The following NPEPPS variants were observed in gnomAD, a reference collection of about 807,000 sequenced individuals.
NPEPPS encodes the protein puromycin-sensitive aminopeptidase.
NPEPPS carries 14 observed loss-of-function variants against 115.5 expected under a neutral mutation model. The observed-to-expected ratio is 0.12, with a 90% confidence interval of 0.08 to 0.19. The LOEUF (loss-of-function observed/expected upper bound fraction) is 0.19, where lower values mean the gene tolerates loss of function less well. Ranked by LOEUF, NPEPPS falls within the 10% of genes least tolerant of loss-of-function variation. NPEPPS has a pLI of 1.00. For missense variants in NPEPPS, 523 were observed against 1,110.8 expected, an observed-to-expected ratio of 0.47 and a Z score of 7.52; for synonymous variants, 285 against 390.6, an observed-to-expected ratio of 0.73 and a Z score of 3.19.
intron 2 of NPEPPS, among the ~76,000 whole-genome samples, chr17:47,563,631 C>A (rs1015135567): frequency 6.6e-6 from 1 of 151,462 alleles, no homozygotes; most frequent in Non-Finnish European, 1.5e-5. Context: ...AGTGCAGTGG[C>A]ACGATCTCGG....
Position 47,603,942 on chromosome 17 carries a change from C to T in NPEPPS, c.1768C>T (p.Arg590Trp). Residue 590 changes from arginine to tryptophan, a missense_variant, in exon 16 of 23, where the codon CGG (arginine) becomes TGG (tryptophan). By Grantham distance (101) the Arg-to-Trp change is moderately radical. Transcript: ENST00000322157. ...AAACTTAGGAACAGTTGGGTTTTAT[C>T]GGACCCAGTACAGCTCTGCCATGCT... The part of the protein sequence containing the change: ...KLNLGTVGFY[R>W]TQYSSAMLES... 2 of 1,612,150 alleles carry T rather than the reference C, an allele frequency of 1.2e-6. No homozygotes were observed. The highest frequency in any genetic ancestry group is 1.7e-6 in the Non-Finnish European group (2 of 1,178,914).
intron 5 of NPEPPS, among the ~76,000 whole-genome samples, chr17:47,585,189 C>A (rs1488136581): frequency 2.0e-5 from 3 of 152,082 alleles, no homozygotes; most frequent in Non-Finnish European, 2.9e-5. Context: ...AAGTATGAAG[C>A]CCTTAACTTA....
chr17:47,557,961 C>CT (rs2143762201), intron 2 of NPEPPS, among the ~76,000 whole-genome samples: 1 of 140,008 alleles, frequency 7.1e-6, no homozygotes, highest in South Asian at 2.3e-4. Context: ...TGTACAGTCT[C>CT]TGTCACCCAG....
chr17:47,598,281 T>C (rs1328607339), intron 13 of NPEPPS, among the ~76,000 whole-genome samples: 1 of 151,936 alleles, frequency 6.6e-6, no homozygotes, highest in Non-Finnish European at 1.5e-5. Context: ...AAGACAAGCC[T>C]GGGCAACATA....
At position 47,621,970 on chromosome 17, in the gene NPEPPS, G is replaced by A. The variant is rs1257475611; in HGVS notation, c.*50G>A. ...TTCTGCTGCTTCGCTGCAGGGATAA[G>A]GTGGAGCTACCGAACAGCTGATTCA... On this transcript the variant is annotated 3_prime_UTR_variant, in exon 23 of 23. Coordinates refer to ENST00000322157, the MANE Select transcript of NPEPPS (RefSeq NM_006310.4). 2 of 1,532,208 alleles carry A rather than the reference G, an allele frequency of 1.3e-6. No individual in the cohort carries two copies. The highest frequency in any genetic ancestry group is 2.3e-4 in the Middle Eastern group (1 of 4,388). 94.9% of individuals were successfully genotyped at this position (1,532,208 alleles called of 1,614,324 possible).
At chr17:47,598,603 A>T (rs1913014385) in intron 13 of NPEPPS, among the ~76,000 whole-genome samples, 1 of 152,212 alleles carries the variant, frequency 6.6e-6, no homozygotes, top group Admixed American at 6.5e-5. Context: ...CTACCAAAAC[A>T]AAAAAACAAA....
intron 1 of NPEPPS, among the ~76,000 whole-genome samples, chr17:47,524,309 C>CA (rs200949448): frequency 0.45 from 65,744 of 145,022 alleles, 15,400 homozygotes; most frequent in East Asian, 0.56. Context: ...AACTTTGTCT[C>CA]AAAAAAAAAA....
intron 21 of NPEPPS, 84 bp downstream of exon 21, chr17:47,619,248 C>A: frequency 7.5e-7 from 1 of 1,332,286 alleles, no homozygotes; most frequent in Non-Finnish European, 1.0e-6. Context: ...ACATTGTGGT[C>A]TTTGCTCTTT....
chr17:47,618,937 A>G, intron 20 of NPEPPS, 72 bp from the exon 21 acceptor site: 20 of 1,367,240 alleles, frequency 1.5e-5, no homozygotes, highest in East Asian at 2.3e-5. Flanking sequence ...TCAGTGTCAC[A>G]GTATGGTGCA....
At chr17:47,594,597 TTATGTTATG>T (rs1912734491) in intron 12 of NPEPPS, among the ~76,000 whole-genome samples, 4 of 48,224 alleles carry the variant, frequency 8.3e-5, no homozygotes, top group East Asian at 6.0e-4. Flanking sequence ...TTATTTTATG[TTATGTTATG>T]TTATGTTATG....
At chr17:47,547,765 G>A (rs536749966) in intron 2 of NPEPPS, among the ~76,000 whole-genome samples, 3 of 152,206 alleles carry the variant, frequency 2.0e-5, no homozygotes, top group South Asian at 2.1e-4. Flanking sequence ...GGTGGCTCAC[G>A]CCTGTAATTC....
intron 17 of NPEPPS, among the ~76,000 whole-genome samples, chr17:47,607,580 C>A (rs1278864251): frequency 6.6e-6 from 1 of 152,194 alleles, no homozygotes; most frequent in Non-Finnish European, 1.5e-5. Flanking sequence ...TTGATTTACT[C>A]GGCTTTCTGA....
intron 17 of NPEPPS, among the ~76,000 whole-genome samples, chr17:47,608,453 C>CAA (rs36062497): frequency 0.033 from 2,604 of 78,782 alleles, 125 homozygotes; most frequent in African/African-American, 0.1. Context: ...GACTCCGTCT[C>CAA]AAAAAAAAAA....
At chr17:47,580,091 T>C (rs1400920402) in intron 4 of NPEPPS, 1 of 152,192 alleles carries the variant, frequency 6.6e-6, no homozygotes, top group Non-Finnish European at 1.5e-5. Context: ...TTTTAAGTGT[T>C]AAATCTAAAT....
chr17:47,529,363 G>C (rs1433569013), upstream of NPEPPS, among the ~76,000 whole-genome samples: 4 of 148,442 alleles, frequency 2.7e-5, no homozygotes, highest in East Asian at 8.0e-4. Flanking sequence ...TCAGCCTCCC[G>C]AGTAGCTGGG....
chr17:47,573,473 A>C (rs1911321816), intron 3 of NPEPPS, among the ~76,000 whole-genome samples: 1 of 152,220 alleles, frequency 6.6e-6, no homozygotes, highest in African/African-American at 2.4e-5. Flanking sequence ...GGTCATAGAA[A>C]ATTTGATTCT....
chr17:47,574,861 A>G (rs1443815062), intron 3 of NPEPPS, among the ~76,000 whole-genome samples: 1 of 152,110 alleles, frequency 6.6e-6, no homozygotes, highest in African/African-American at 2.4e-5. Flanking sequence ...GGATCTTGCC[A>G]TCCTCCCAAA....
chr17:47,594,123 C>G (rs1912685609), intron 12 of NPEPPS, among the ~76,000 whole-genome samples: 1 of 152,294 alleles, frequency 6.6e-6, no homozygotes, highest in Admixed American at 6.5e-5. Context: ...CCACTGCACT[C>G]CAGCCTGGGC....
chr17:47,611,458 CAA>C (rs71141920), intron 17 of NPEPPS, among the ~76,000 whole-genome samples: 17 of 120,114 alleles, frequency 1.4e-4, no homozygotes, highest in Non-Finnish European at 1.0e-4. Context: ...GACCACATCT[CAA>C]AAAAAAAAAA....
Sources: allele counts gnomAD v4.1 joint callset (sites outside exome capture counted in the v4.1 genomes callset), GRCh38; gene constraint gnomAD v4.1.1; transcripts MANE v1.5; gene names NCBI Gene and HGNC (gene_info 2026-07-23, HGNC 2026-07-21).